Variants in DNAJC15 observed in about 807,000 individuals in gnomAD.
DNAJC15 encodes dnaJ homolog subfamily C member 15.
Under a neutral mutation model 22.4 loss-of-function variants are expected in DNAJC15, and 27 were observed. The ratio of observed to expected loss-of-function variants is 1.20; its 90% CI spans 0.89 to 1.66. DNAJC15 has a LOEUF of 1.66. Ranked by LOEUF, DNAJC15 falls within the 40% of genes most tolerant of loss-of-function variation. DNAJC15 has a pLI of 0.00. For synonymous variants in DNAJC15, 79 were observed against 63.2 expected (o/e 1.25, Z -1.19); for missense variants, 208 against 187.1 (o/e 1.11, Z -0.65).
intron 1 of DNAJC15, among the ~76,000 whole-genome samples, chr13:43,043,817 T>G (rs2040464532): frequency 1.3e-5 from 2 of 152,224 alleles, no homozygotes; most frequent in Admixed American, 6.5e-5. Flanking sequence ...TTTTGCTTAA[T>G]GTAAGGGTTT....
intron 1 of DNAJC15, among the ~76,000 whole-genome samples, chr13:43,062,619 GA>G (rs1234361840): frequency 1.3e-5 from 2 of 152,200 alleles, no homozygotes; most frequent in Non-Finnish European, 2.9e-5. Flanking sequence ...AAATCTCTTT[GA>G]AATTTTGGAG....
chr13:43,075,023 G>T (rs1301905340), intron 3 of DNAJC15, among the ~76,000 whole-genome samples: 3 of 152,136 alleles, frequency 2.0e-5, no homozygotes, highest in Non-Finnish European at 2.9e-5. Context: ...AGTATGAGTG[G>T]TCCTGGAACC....
At chr13:43,026,869 T>G (rs2040383005) in intron 1 of DNAJC15, among the ~76,000 whole-genome samples, 1 of 152,154 alleles carries the variant, frequency 6.6e-6, no homozygotes, top group Non-Finnish European at 1.5e-5. Flanking sequence ...ACCCCTGTCT[T>G]TCTAAAAGAA....
chr13:43,072,581 ATTTT>A (rs140917513), intron 3 of DNAJC15, among the ~76,000 whole-genome samples: 1 of 136,630 alleles, frequency 7.3e-6, no homozygotes, highest in Non-Finnish European at 1.6e-5. Context: ...TCACATCAGC[ATTTT>A]TTTTTTTTTT....
intron 1 of DNAJC15, among the ~76,000 whole-genome samples, chr13:43,045,764 A>G (rs944578504): frequency 1.3e-5 from 2 of 152,204 alleles, no homozygotes; most frequent in Non-Finnish European, 2.9e-5. Context: ...AAACAATGTG[A>G]GAGGGTCTCT....
chr13:43,040,408 T>G (rs921953859), intron 1 of DNAJC15, among the ~76,000 whole-genome samples: 1 of 152,260 alleles, frequency 6.6e-6, no homozygotes. Context: ...GGTAATAATC[T>G]GTTACCTGGT....
At chr13:43,069,891 TA>T (rs2153440993) in intron 3 of DNAJC15, among the ~76,000 whole-genome samples, 1 of 152,178 alleles carries the variant, frequency 6.6e-6, no homozygotes, top group East Asian at 1.9e-4. Flanking sequence ...GTAAAACTAC[TA>T]AACTACCTAC....
chr13:43,039,763 C>A (rs2040444618), intron 1 of DNAJC15, among the ~76,000 whole-genome samples: 1 of 152,190 alleles, frequency 6.6e-6, no homozygotes, highest in African/African-American at 2.4e-5. Flanking sequence ...TGCCTGTAAT[C>A]CCAGCACTTT....
Position 43,075,462 on chromosome 13 carries a change from G to T in DNAJC15, c.235-3150G>T, listed in dbSNP as rs112934744. Among the ~76,000 whole-genome samples the T allele has an allele frequency of 3.2e-3, 493 of 152,238 alleles. 6 individuals are homozygous for T. The highest frequency in any genetic ancestry group is 0.011 in the African/African-American group (474 of 41,560). Reference sequence around the variant, plus strand: ...TCCCTAAGGTAAATAAAGACTCATTGAAATATTTTTTTCCTGAATAAAGAA... The same window carrying T: ...TCCCTAAGGTAAATAAAGACTCATTTAAATATTTTTTTCCTGAATAAAGAA... On this transcript the variant is annotated intron_variant, in intron 3 of 5. Transcript: ENST00000379221.
At chr13:43,067,958 C>G (rs1392611763) in intron 2 of DNAJC15, among the ~76,000 whole-genome samples, 1 of 152,096 alleles carries the variant, frequency 6.6e-6, no homozygotes, top group Non-Finnish European at 1.5e-5. Flanking sequence ...ACCTTTTTAT[C>G]TTCACATTTT....
chr13:43,050,678 G>A (rs1210279935), intron 1 of DNAJC15, among the ~76,000 whole-genome samples: 1 of 152,070 alleles, frequency 6.6e-6, no homozygotes, highest in South Asian at 2.1e-4. Flanking sequence ...AATTGTTCAT[G>A]CTCAAAAAGT....
chr13:43,034,028 C>CAAA (rs568856935), intron 1 of DNAJC15, among the ~76,000 whole-genome samples: 1,890 of 108,536 alleles, frequency 0.017, 51 homozygotes, highest in African/African-American at 0.053. Context: ...AACTTCATCT[C>CAAA]AAAAAAAAAA....
rs935016820 is a variant in DNAJC15, at chr13:43,112,159, G to A, written c.*4911G>A. 5 of 152,126 alleles carry A rather than the reference G, an allele frequency of 3.3e-5. No homozygotes were observed. Among genetic ancestry groups the A allele is most frequent in the African/African-American group, 1.2e-4 (5 of 41,428 alleles). 9.4% of individuals were successfully genotyped at this position (152,126 alleles called of 1,614,324 possible). A position where few individuals can be genotyped will look rare whatever the true frequency, so the allele number is the denominator to read the frequency against. On this transcript the variant is annotated 3_prime_UTR_variant, in exon 6 of 6. Coordinates refer to ENST00000379221, the MANE Select transcript of DNAJC15 (RefSeq NM_013238.3). Reference sequence around the variant, plus strand: ...CTTTTCCTCTTTTTATTGTTGCTGAGCAAAAGAATTTATAAAAAGCTCTTT... The same window carrying A: ...CTTTTCCTCTTTTTATTGTTGCTGAACAAAAGAATTTATAAAAAGCTCTTT...
intron 3 of DNAJC15, among the ~76,000 whole-genome samples, chr13:43,073,957 T>C (rs2040620745): frequency 7.4e-6 from 1 of 135,878 alleles, no homozygotes; most frequent in Admixed American, 7.0e-5. Flanking sequence ...AACCCATCCT[T>C]CTTCTTTTTT....
At chr13:43,091,469 A>G (rs768475223) in intron 5 of DNAJC15, among the ~76,000 whole-genome samples, 5 of 152,130 alleles carry the variant, frequency 3.3e-5, no homozygotes, top group Non-Finnish European at 7.4e-5. Flanking sequence ...TTTTTTTCTT[A>G]GGAATTTGTT....
intron 5 of DNAJC15, among the ~76,000 whole-genome samples, chr13:43,105,156 T>C (rs528070365): frequency 1.1e-4 from 16 of 152,090 alleles, no homozygotes; most frequent in Middle Eastern, 3.4e-3. Flanking sequence ...ACAAGAATCA[T>C]TCCTAAACAA....
chr13:43,091,239 C>T (rs577592977), intron 5 of DNAJC15, among the ~76,000 whole-genome samples: 1 of 152,116 alleles, frequency 6.6e-6, no homozygotes, highest in Non-Finnish European at 1.5e-5. Context: ...TGTGTGCCAC[C>T]ACGCCTGGCT....
chr13:43,063,651 A>G (rs988135702), intron 1 of DNAJC15, among the ~76,000 whole-genome samples: 1 of 105,332 alleles, frequency 9.5e-6, no homozygotes, highest in Non-Finnish European at 1.9e-5. Flanking sequence ...CCCGTTTTCT[A>G]TTTGGTTGTC....
intron 3 of DNAJC15, among the ~76,000 whole-genome samples, chr13:43,075,092 T>C: frequency 6.6e-6 from 1 of 152,194 alleles, no homozygotes; most frequent in Non-Finnish European, 1.5e-5. Context: ...ATAGCAATTT[T>C]TTGTTTTCTC....
Sources: gnomAD v4.1 joint callset for allele counts (sites outside exome capture counted in the v4.1 genomes callset) on GRCh38, gnomAD v4.1.1 for gene constraint, MANE v1.5 for transcripts, NCBI Gene and HGNC (gene_info 2026-07-23, HGNC 2026-07-21) for gene names.